Variants in KCNN3 observed in about 807,000 individuals in gnomAD.
KCNN3 encodes the protein small conductance calcium-activated potassium channel protein 3.
KCNN3 carries 16 observed loss-of-function variants against 62.9 expected under a neutral mutation model. The ratio of observed to expected loss-of-function variants is 0.25; its 90% confidence interval spans 0.17 to 0.39. KCNN3 has a LOEUF of 0.39. KCNN3 is among the 10% of genes least tolerant of loss of function. KCNN3 has a pLI of 1.00. For synonymous variants in KCNN3, 370 were observed against 389.2 expected, an observed-to-expected ratio of 0.95 and a Z score of 0.58; for missense variants, 599 against 949.4, an observed-to-expected ratio of 0.63 and a Z score of 4.85.
intron 1 of KCNN3, among the ~76,000 whole-genome samples, chr1:154,823,988 T>A (rs530434284): frequency 6.6e-6 from 1 of 152,304 alleles, no homozygotes; most frequent in South Asian, 2.1e-4. Context: ...TTGGTACAGT[T>A]CTTGAGGCCC....
intron 3 of KCNN3, among the ~76,000 whole-genome samples, chr1:154,743,538 GTTCTT>G (rs1700873247): frequency 6.6e-6 from 1 of 152,206 alleles, no homozygotes; most frequent in Non-Finnish European, 1.5e-5. Context: ...CTCACCTGCT[GTTCTT>G]TTCAGAGATG....
At chr1:154,726,054 G>C in intron 4 of KCNN3, 28 bp from the exon 5 acceptor site, 2 of 1,546,872 alleles carry the variant, frequency 1.3e-6, no homozygotes, top group South Asian at 2.2e-5. Flanking sequence ...GAGGACCAGA[G>C]GGGAAAGAAC....
chr1:154,829,262 C>G (rs2101900783), intron 1 of KCNN3, among the ~76,000 whole-genome samples: 1 of 152,360 alleles, frequency 6.6e-6, no homozygotes, highest in South Asian at 2.1e-4. Context: ...GGGCAGGAAG[C>G]CCAGGCTGAG....
At chr1:154,847,349 G>A (rs1271204457) in intron 1 of KCNN3, among the ~76,000 whole-genome samples, 1 of 152,250 alleles carries the variant, frequency 6.6e-6, no homozygotes, top group African/African-American at 2.4e-5. Flanking sequence ...CACCCAGCTG[G>A]ATCCCTGGGC....
intron 2 of KCNN3, among the ~76,000 whole-genome samples, chr1:154,774,870 G>A (rs1453157817): frequency 6.6e-6 from 1 of 152,256 alleles, no homozygotes; most frequent in African/African-American, 2.4e-5. Flanking sequence ...CATGCATCCT[G>A]GGAAGGCCTG....
intron 2 of KCNN3, among the ~76,000 whole-genome samples, chr1:154,780,386 C>G (rs1175185951): frequency 6.6e-6 from 1 of 150,386 alleles, no homozygotes; most frequent in Non-Finnish European, 1.5e-5. Context: ...TCTGACCAAC[C>G]TGAAAAACTT....
intron 1 of KCNN3, among the ~76,000 whole-genome samples, chr1:154,848,479 C>T (rs1309876180): frequency 6.6e-6 from 1 of 152,178 alleles, no homozygotes; most frequent in Non-Finnish European, 1.5e-5. Flanking sequence ...CACTGCCCTG[C>T]TCACATACCT....
At chr1:154,787,700 C>T (rs12744544) in intron 2 of KCNN3, among the ~76,000 whole-genome samples, 29,237 of 152,066 alleles carry the variant, frequency 0.19, 2,902 homozygotes, top group Middle Eastern at 0.24. Flanking sequence ...CTTGACCCCT[C>T]CTTAAGTCAC....
chr1:154,835,246 T>A (rs1047027991), intron 1 of KCNN3, among the ~76,000 whole-genome samples: 1 of 151,990 alleles, frequency 6.6e-6, no homozygotes, highest in Non-Finnish European at 1.5e-5. Flanking sequence ...CCCAGGAGAG[T>A]CCAGTGTATG....
intron 3 of KCNN3, among the ~76,000 whole-genome samples, chr1:154,749,517 C>A (rs987152982): frequency 2.0e-5 from 3 of 152,142 alleles, no homozygotes; most frequent in African/African-American, 7.2e-5. Flanking sequence ...TTTTGTTTCC[C>A]AGAGCAGTGG....
chr1:154,772,917 G>A lies in KCNN3; in HGVS notation c.1030-524C>T, dbSNP rs1200374555. Among the ~76,000 whole-genome samples, 3 of 152,088 alleles carry A rather than the reference G, an allele frequency of 2.0e-5. No homozygotes were observed. Among genetic ancestry groups the A allele is most frequent in the Non-Finnish European group, 4.4e-5 (3 of 68,014 alleles). ...TCCTGAGAAGGAAGAGGGGCCCGAAGGTTGAGTTGATCACCAATGGCCAAT... is the reference window on the plus strand; with the variant it reads ...TCCTGAGAAGGAAGAGGGGCCCGAAAGTTGAGTTGATCACCAATGGCCAAT... On this transcript the variant is annotated intron_variant, in intron 2 of 7. Transcript: ENST00000271915. This position sits in a 1 kb window ranked among gnomAD's most constrained non-coding sequence, Gnocchi z 5.6.
intron 2 of KCNN3, among the ~76,000 whole-genome samples, chr1:154,788,895 G>T (rs1649396588): frequency 1.3e-5 from 2 of 152,220 alleles, no homozygotes; most frequent in Admixed American, 6.5e-5. Flanking sequence ...GGCATGAAGA[G>T]ATTAAGTGAC....
intron 1 of KCNN3, among the ~76,000 whole-genome samples, chr1:154,841,836 C>A (rs1165502019): frequency 6.6e-6 from 1 of 152,172 alleles, no homozygotes; most frequent in African/African-American, 2.4e-5. Flanking sequence ...TGCAGATGGC[C>A]TATTGGGAGG....
chr1:154,785,397 T>C (rs1649233277), intron 2 of KCNN3, among the ~76,000 whole-genome samples: 1 of 151,856 alleles, frequency 6.6e-6, no homozygotes, highest in Admixed American at 6.6e-5. Context: ...GGAGTGTTTG[T>C]TTTTTCCCCA....
intron 5 of KCNN3, among the ~76,000 whole-genome samples, chr1:154,720,873 G>A (rs1274046611): frequency 2.0e-5 from 3 of 152,062 alleles, no homozygotes; most frequent in Admixed American, 6.5e-5. Flanking sequence ...CTGGAGAGGC[G>A]GGCATGCGTG....
intron 1 of KCNN3, among the ~76,000 whole-genome samples, chr1:154,850,338 G>A (rs1183587512): frequency 1.3e-5 from 2 of 152,226 alleles, no homozygotes; most frequent in African/African-American, 2.4e-5. Context: ...TTGAAACTAA[G>A]TCAGAAGGCC....
chr1:154,819,158 C>T (rs536357571), intron 2 of KCNN3, among the ~76,000 whole-genome samples: 1 of 152,200 alleles, frequency 6.6e-6, no homozygotes, highest in South Asian at 2.1e-4. Flanking sequence ...CTCTGCATAA[C>T]TTCATCAGTC....
chr1:154,788,590 T>C lies in KCNN3; in HGVS notation c.1030-16197A>G, dbSNP rs537378925. 2.0e-5 allele frequency among the ~76,000 whole-genome samples: 3 copies of C among 152,236 alleles called. No individual in the cohort carries two copies. The East Asian group carries it at 5.8e-4, about 29-fold the overall frequency. ...TTCAAGCATCCATGGTTCATTTTCA[T>C]GAAGATTACCATAGTCTTCCTGAGA... On this transcript the variant is annotated intron_variant, in intron 2 of 7. Transcript: ENST00000271915.
chr1:154,737,526 A>C (rs749157221), intron 3 of KCNN3, among the ~76,000 whole-genome samples: 3 of 152,190 alleles, frequency 2.0e-5, no homozygotes, highest in Non-Finnish European at 4.4e-5. Context: ...AAAGACACAG[A>C]TCAAACCAGT....
Sources: gnomAD v4.1 joint callset for allele counts (sites outside exome capture counted in the v4.1 genomes callset) on GRCh38, gnomAD v4.1.1 for gene constraint, Gnocchi (gnomAD v3.1) non-coding constraint, MANE v1.5 for transcripts, NCBI Gene and HGNC (gene_info 2026-07-23, HGNC 2026-07-21) for gene names.